The following RSRP1 variants were observed in gnomAD, a reference collection of about 807,000 sequenced individuals.
The protein encoded by RSRP1 is arginine and serine rich protein 1.
A neutral mutation model predicts 33.0 loss-of-function variants in RSRP1; 37 were observed. The observed-to-expected ratio is 1.12, with a 90% CI of 0.86 to 1.48. The LOEUF is 1.48. Among genes scored for constraint, RSRP1 ranks in the 40% most tolerant of loss-of-function variants. RSRP1 has a pLI of 0.00. For synonymous variants in RSRP1, 167 were observed against 158.7 expected, an observed-to-expected ratio of 1.05 and a Z score of -0.40; for missense variants, 402 against 385.3, an observed-to-expected ratio of 1.04 and a Z score of -0.36.
chr1:25,277,583 T>C (rs1641120705), intron 1 of RSRP1, among the ~76,000 whole-genome samples: 1 of 130,522 alleles, frequency 7.7e-6, no homozygotes, highest in Non-Finnish European at 1.8e-5. Flanking sequence ...TCTGCCTCTG[T>C]TTCTACTTCT....
rs546620734 is a variant in RSRP1, at chr1:25,331,003, G to A, written c.-67+6975C>T. ...TTTTGAGACAGAGTCTCGCTCTATC[G>A]CCCAGGCTGGAGTGCAGTGGCCCGA... On this transcript the variant is annotated intron_variant, in intron 1 of 1. Transcript: ENST00000561867. 3.4e-3 allele frequency among the ~76,000 whole-genome samples: 268 copies of A among 78,238 alleles called. 23 individuals are homozygous for A. Among genetic ancestry groups the A allele is most frequent in the African/African-American group, 0.011 (242 of 22,984 alleles). 51.3% of individuals were successfully genotyped at this position (78,238 alleles called of 152,430 possible). A position where few individuals can be genotyped will look rare whatever the true frequency, so the allele number is the denominator to read the frequency against.
In RSRP1 at chr1:25,273,071, T is replaced by G. The variant is rs563290825; in HGVS notation, c.-66-26042A>C. ...GATTTAGGGGATACAAGTGCAGCTATCTTATGCAAGCAATTTCATGTTGTT... is the reference window on the plus strand; with the variant it reads ...GATTTAGGGGATACAAGTGCAGCTAGCTTATGCAAGCAATTTCATGTTGTT... On this transcript the variant is annotated intron_variant, in intron 1 of 1. Transcript: ENST00000561867. Among the ~76,000 whole-genome samples, 125 of 132,000 alleles carry G rather than the reference T, an allele frequency of 9.5e-4. 19 individuals are homozygous for G. Among genetic ancestry groups the G allele is most frequent in the East Asian group, 3.7e-3 (19 of 5,114 alleles). The allele number at this position is 132,000 out of a possible 152,430, so 86.6% of individuals were successfully genotyped here. A position where few individuals can be genotyped will look rare whatever the true frequency, so the allele number is the denominator to read the frequency against.
At position 25,291,836 on chromosome 1, in the gene RSRP1, C is replaced by G. The variant is rs974623558; in HGVS notation, c.-66-44807G>C. On this transcript the variant is annotated intron_variant, in intron 1 of 1. Transcript: ENST00000561867. The stretch of plus-strand genomic sequence containing the variant: ...GCTCTCCCAGATCCTCTGCTGTAAC[C>G]CTGACCCTGAGTGAGGACATAGCCA... Among the ~76,000 whole-genome samples the G allele has an allele frequency of 3.0e-5, 4 of 132,476 alleles. 1 individual carries two copies. Among genetic ancestry groups the G allele is most frequent in the African/African-American group, 1.0e-4 (4 of 38,818 alleles). The allele number at this position is 132,476 out of a possible 152,430, so 86.9% of individuals were successfully genotyped here.
At chr1:25,295,717 C>A (rs1434574946) in intron 1 of RSRP1, among the ~76,000 whole-genome samples, 1 of 108,544 alleles carries the variant, frequency 9.2e-6, no homozygotes, top group East Asian at 2.2e-4. Context: ...GGGCTGACAT[C>A]ATCAGTGACC....
At chr1:25,261,550 G>A (rs549999093) in intron 1 of RSRP1, among the ~76,000 whole-genome samples, 6 of 150,664 alleles carry the variant, frequency 4.0e-5, no homozygotes, top group East Asian at 2.0e-4. Flanking sequence ...GCCTACAGGC[G>A]CCCGCCACCC....
At chr1:25,279,174 G>C (rs1246586407) in intron 1 of RSRP1, among the ~76,000 whole-genome samples, 3 of 125,218 alleles carry the variant, frequency 2.4e-5, no homozygotes, top group African/African-American at 8.3e-5. Flanking sequence ...CTTTGCAACA[G>C]GCCTGGGGGA....
rs1222799811 is a variant in RSRP1, at chr1:25,275,329, C to T, written c.-66-28300G>A. Reference sequence around the variant, plus strand: ...TAAATAAAAATAAAGAGGGAAGCAGCGGGTGGCAGACTCACTGGGCTGCAT... The same window carrying T: ...TAAATAAAAATAAAGAGGGAAGCAGTGGGTGGCAGACTCACTGGGCTGCAT... On this transcript the variant is annotated intron_variant, in intron 1 of 1. Coordinates refer to the RSRP1 transcript ENST00000561867. Among the ~76,000 whole-genome samples the T allele has an allele frequency of 1.5e-5, 2 of 131,548 alleles. 1 individual carries two copies. The highest frequency in any genetic ancestry group is 5.2e-5 in the African/African-American group (2 of 38,634). The allele number at this position is 131,548 out of a possible 152,430, so 86.3% of individuals were successfully genotyped here. A position where few individuals can be genotyped will look rare whatever the true frequency, so the allele number is the denominator to read the frequency against.
At chr1:25,255,978 G>A (rs1639935242) in intron 1 of RSRP1, among the ~76,000 whole-genome samples, 1 of 152,094 alleles carries the variant, frequency 6.6e-6, no homozygotes, top group South Asian at 2.1e-4. Flanking sequence ...CCACAAATGG[G>A]GGGTTGGAGA....
chr1:25,258,701 T>C (rs1640024917), intron 1 of RSRP1, among the ~76,000 whole-genome samples: 1 of 152,234 alleles, frequency 6.6e-6, no homozygotes, highest in Admixed American at 6.5e-5. Context: ...CATTTAAATT[T>C]TTAATATTCA....
intron 1 of RSRP1, among the ~76,000 whole-genome samples, chr1:25,261,221 T>C (rs1398531188): frequency 6.6e-6 from 1 of 152,202 alleles, no homozygotes; most frequent in Non-Finnish European, 1.5e-5. Flanking sequence ...CTTTAGGGGT[T>C]AGGGCTTCAA....
At chr1:25,329,329 C>T (rs1459897024) in intron 1 of RSRP1, 5 of 379,152 alleles carry the variant, frequency 1.3e-5, no homozygotes, top group Middle Eastern at 7.1e-4. Flanking sequence ...ACTGCAACCT[C>T]TACCTCCTGG....
Position 25,323,375 on chromosome 1 carries a change from C to T in RSRP1, c.-67+14603G>A, listed in dbSNP as rs1644818055. On this transcript the variant is annotated intron_variant, in intron 1 of 1. Coordinates refer to the RSRP1 transcript ENST00000561867. ...TCACTTCCACACACTTCCTCCTGCT[C>T]CTTTGAAATTCCTCCCTCCCTACCC... Among the ~76,000 whole-genome samples the T allele has an allele frequency of 3.8e-5, 4 of 105,890 alleles. 2 individuals are homozygous for T. The Admixed American group carries it at 3.9e-4, about 10-fold the overall frequency. 69.5% of individuals were successfully genotyped at this position (105,890 alleles called of 152,430 possible). A position where few individuals can be genotyped will look rare whatever the true frequency, so the allele number is the denominator to read the frequency against.
intron 4 of RSRP1, among the ~76,000 whole-genome samples, chr1:25,243,270 G>A (rs1639029967): frequency 6.6e-6 from 1 of 152,066 alleles, no homozygotes. Flanking sequence ...AAAACATTGT[G>A]ATTAAGGAGT....
At chr1:25,254,863 AC>A (rs1479847671) in intron 1 of RSRP1, among the ~76,000 whole-genome samples, 1 of 152,236 alleles carries the variant, frequency 6.6e-6, no homozygotes, top group Non-Finnish European at 1.5e-5. Flanking sequence ...AGGTGCAATT[AC>A]TGGTAGTGTC....
chr1:25,290,559 G>A lies in RSRP1; in HGVS notation c.-66-43530C>T, dbSNP rs1571625862. On this transcript the variant is annotated intron_variant, in intron 1 of 1. Coordinates refer to the RSRP1 transcript ENST00000561867. The stretch of plus-strand genomic sequence containing the variant: ...GCCCAACAGTGTTTGTTGAAAGAAT[G>A]AATGAATGAATGAATGAATGAATGA... 2 of 1,060,446 alleles carry A rather than the reference G, an allele frequency of 1.9e-6. 1 individual carries two copies. The highest frequency in any genetic ancestry group is 4.6e-5 in the East Asian group (2 of 43,462). 65.7% of individuals were successfully genotyped at this position (1,060,446 alleles called of 1,614,324 possible). A position where few individuals can be genotyped will look rare whatever the true frequency, so the allele number is the denominator to read the frequency against.
At position 25,271,815 on chromosome 1, in the gene RSRP1, G is replaced by A. The variant is rs1266610756; in HGVS notation, c.-66-24786C>T. Among the ~76,000 whole-genome samples, 2 of 131,358 alleles carry A rather than the reference G, an allele frequency of 1.5e-5. 1 individual carries two copies. The highest frequency in any genetic ancestry group is 3.6e-5 in the Non-Finnish European group (2 of 55,240). 86.2% of individuals were successfully genotyped at this position (131,358 alleles called of 152,430 possible). On this transcript the variant is annotated intron_variant, in intron 1 of 1. Transcript: ENST00000561867. ...GTCCTGGGCTGCCCTGTGAGGAGGTGACCAGAGGTAGAGCAACTTCACCCT... is the reference window on the plus strand; with the variant it reads ...GTCCTGGGCTGCCCTGTGAGGAGGTAACCAGAGGTAGAGCAACTTCACCCT...
At chr1:25,258,091 G>A (rs1411675834) in intron 1 of RSRP1, among the ~76,000 whole-genome samples, 1 of 152,144 alleles carries the variant, frequency 6.6e-6, no homozygotes, top group Non-Finnish European at 1.5e-5. Flanking sequence ...AGGATGTGGG[G>A]GCAGAGTGTT....
At chr1:25,331,803 G>C (rs1159124081) in intron 1 of RSRP1, among the ~76,000 whole-genome samples, 1 of 91,912 alleles carries the variant, frequency 1.1e-5, no homozygotes, top group Non-Finnish European at 2.5e-5. Flanking sequence ...GCAGTGGCGC[G>C]ATCTCGGCTC....
rs1291742474 is a variant in RSRP1, at chr1:25,293,428, T to G, written c.-67+44550A>C. 1.7e-4 allele frequency among the ~76,000 whole-genome samples: 22 copies of G among 130,782 alleles called. 7 individuals are homozygous for G. Among genetic ancestry groups the G allele is most frequent in the Non-Finnish European group, 2.5e-4 (14 of 55,364 alleles). The allele number at this position is 130,782 out of a possible 152,430, so 85.8% of individuals were successfully genotyped here. A position where few individuals can be genotyped will look rare whatever the true frequency, so the allele number is the denominator to read the frequency against. On this transcript the variant is annotated intron_variant, in intron 1 of 1. Transcript: ENST00000561867. ...ACATTTTCACATTAGAGATTCCCAT[T>G]GTGCGGAAATAACAATTTATTACTT... is the stretch of plus-strand genomic sequence containing the variant.
Sources: gnomAD v4.1 joint callset for allele counts (sites outside exome capture counted in the v4.1 genomes callset) on GRCh38, gnomAD v4.1.1 for gene constraint, MANE v1.5 for transcripts, NCBI Gene and HGNC (gene_info 2026-07-23, HGNC 2026-07-21) for gene names.